TAOK3: variants seen among roughly 807,000 people sequenced by gnomAD.
TAOK3 encodes the protein serine/threonine-protein kinase TAO3.
In TAOK3, 40 loss-of-function variants were observed where a neutral mutation model predicts 120.4. The ratio of observed to expected loss-of-function variants is 0.33; its 90% CI spans 0.26 to 0.43. TAOK3 has a LOEUF of 0.43. Among genes scored for constraint, TAOK3 ranks in the 20% least tolerant of loss-of-function variants. The pLI is 1.00. For synonymous variants in TAOK3, 355 were observed against 387.5 expected (o/e 0.92, Z 0.99); for missense variants, 821 against 1,112.1 (o/e 0.74, Z 3.72).
At chr12:118,182,190 C>T (rs1430873914) in intron 14 of TAOK3, among the ~76,000 whole-genome samples, 2 of 151,234 alleles carry the variant, frequency 1.3e-5, no homozygotes, top group African/African-American at 4.9e-5. Flanking sequence ...CAAAAAAAAA[C>T]AACAACAACA....
Position 118,310,154 on chromosome 12 carries a change from T to C in TAOK3, c.-193-43395A>G, listed in dbSNP as rs1700813905. The stretch of plus-strand genomic sequence containing the variant: ...TAAAAATTAGCTGGGCATAGTGGCG[T>C]GCACCTGTGGTCCCTGCTACTTGGA... On this transcript the variant is annotated intron_variant, in intron 1 of 20. Transcript: ENST00000392533. Among the ~76,000 whole-genome samples the C allele has an allele frequency of 1.3e-5, 2 of 152,102 alleles. 1 individual carries two copies. Among genetic ancestry groups the C allele is most frequent in the Admixed American group, 1.3e-4 (2 of 15,266 alleles).
intron 16 of TAOK3, among the ~76,000 whole-genome samples, chr12:118,176,712 A>C (rs1299815828): frequency 6.6e-6 from 1 of 152,142 alleles, no homozygotes; most frequent in Non-Finnish European, 1.5e-5. Context: ...AAATAAATAA[A>C]ATAAAATCTG....
intron 1 of TAOK3, among the ~76,000 whole-genome samples, chr12:118,362,755 C>A (rs1196292139): frequency 6.6e-6 from 1 of 152,124 alleles, no homozygotes; most frequent in East Asian, 1.9e-4. Context: ...CAGCGGCTCA[C>A]ATCTGTAATC....
chr12:118,211,924 A>G (rs1413238167), intron 11 of TAOK3, among the ~76,000 whole-genome samples: 1 of 152,192 alleles, frequency 6.6e-6, no homozygotes, highest in Non-Finnish European at 1.5e-5. Context: ...TTTCCCCTAA[A>G]GAAACATGGA....
chr12:118,212,849 T>C (rs1490529534), intron 11 of TAOK3, 65 bp downstream of exon 11: 9 of 1,145,146 alleles, frequency 7.9e-6, no homozygotes, highest in Admixed American at 2.1e-5. Context: ...ACAGGAATGA[T>C]TTATTATATT....
intron 1 of TAOK3, among the ~76,000 whole-genome samples, chr12:118,272,305 A>AAAAG (rs201811768): frequency 0.022 from 3,246 of 148,602 alleles, 174 homozygotes; most frequent in East Asian, 0.18. Flanking sequence ...AAAAAAAAAA[A>AAAAG]AAAGAAAGAA....
intron 19 of TAOK3, among the ~76,000 whole-genome samples, chr12:118,153,108 A>G (rs1406520057): frequency 6.6e-6 from 1 of 152,172 alleles, no homozygotes; most frequent in Non-Finnish European, 1.5e-5. Flanking sequence ...CCAAAACTCC[A>G]AATGGTTCAA....
intron 1 of TAOK3, among the ~76,000 whole-genome samples, chr12:118,348,062 G>C (rs1310812140): frequency 6.6e-6 from 1 of 152,056 alleles, no homozygotes; most frequent in Non-Finnish European, 1.5e-5. Context: ...CCTACATTTT[G>C]TTCACTATGT....
intron 3 of TAOK3, among the ~76,000 whole-genome samples, chr12:118,254,493 T>A (rs1309749472): frequency 2.6e-5 from 4 of 152,248 alleles, no homozygotes. Context: ...CGTAATTGTT[T>A]TATTACAACT....
intron 1 of TAOK3, among the ~76,000 whole-genome samples, chr12:118,282,359 G>GA (rs2042127244): frequency 6.6e-6 from 1 of 152,184 alleles, no homozygotes; most frequent in Non-Finnish European, 1.5e-5. Flanking sequence ...AAGTTATAGA[G>GA]AATTACCTTG....
At chr12:118,182,699 T>A (rs570612360) in intron 14 of TAOK3, among the ~76,000 whole-genome samples, 1 of 149,578 alleles carries the variant, frequency 6.7e-6, no homozygotes, top group African/African-American at 2.4e-5. Flanking sequence ...ATTTATTTCC[T>A]ATTCCTAATA....
At chr12:118,166,827 TACACACACAC>T (rs769244693) in intron 17 of TAOK3, among the ~76,000 whole-genome samples, 5 of 146,622 alleles carry the variant, frequency 3.4e-5, no homozygotes, top group African/African-American at 1.3e-4. Flanking sequence ...TATATATATA[TACACACACAC>T]ACACACACAT....
intron 1 of TAOK3, among the ~76,000 whole-genome samples, chr12:118,275,968 G>A (rs1383359531): frequency 6.9e-6 from 1 of 145,206 alleles, no homozygotes; most frequent in Admixed American, 6.7e-5. Context: ...GAAAACGCCA[G>A]AAGGCCAGCG....
intron 1 of TAOK3, among the ~76,000 whole-genome samples, chr12:118,300,135 G>C (rs1471308175): frequency 6.6e-6 from 1 of 152,186 alleles, no homozygotes; most frequent in Non-Finnish European, 1.5e-5. Context: ...CAATTCCTTT[G>C]CTGATACGGA....
intron 1 of TAOK3, among the ~76,000 whole-genome samples, chr12:118,301,947 TC>T (rs1377331716): frequency 2.6e-5 from 4 of 152,154 alleles, no homozygotes; most frequent in Non-Finnish European, 5.9e-5. Context: ...TTTTTTCTCC[TC>T]AGGCTATTCC....
intron 1 of TAOK3, among the ~76,000 whole-genome samples, chr12:118,332,791 A>G (rs1034956611): frequency 1.3e-5 from 2 of 152,220 alleles, no homozygotes; most frequent in African/African-American, 4.8e-5. Flanking sequence ...ACCATTTGAA[A>G]TCATGTGAGA....
At chr12:118,259,288 GT>G (rs1566026529) in intron 2 of TAOK3, among the ~76,000 whole-genome samples, 1 of 152,168 alleles carries the variant, frequency 6.6e-6, no homozygotes, top group Non-Finnish European at 1.5e-5. Flanking sequence ...ACTCATGTCT[GT>G]AATCCTAGCA....
At position 118,227,936 on chromosome 12, in the gene TAOK3, T is replaced by A. The variant is rs182267261; in HGVS notation, c.643+5738A>T. 6.2e-3 allele frequency among the ~76,000 whole-genome samples: 940 copies of A among 152,322 alleles called. 10 individuals are homozygous for A. Among genetic ancestry groups the A allele is most frequent in the African/African-American group, 0.022 (905 of 41,568 alleles). ...ACTTCTAATTTTTGAAAAGTTCAATTATTCAATATTTAAAATGTGTAAAAT... is the reference window on the plus strand; with the variant it reads ...ACTTCTAATTTTTGAAAAGTTCAATAATTCAATATTTAAAATGTGTAAAAT... On this transcript the variant is annotated intron_variant, in intron 9 of 20. Coordinates refer to ENST00000392533, the MANE Select transcript of TAOK3 (RefSeq NM_016281.4).
At chr12:118,301,672 C>T (rs373187711) in intron 1 of TAOK3, among the ~76,000 whole-genome samples, 10 of 151,776 alleles carry the variant, frequency 6.6e-5, no homozygotes, top group South Asian at 2.1e-4. Context: ...GGAGAAACAC[C>T]GTCTCTACTA....
Sources: allele counts gnomAD v4.1 joint callset (sites outside exome capture counted in the v4.1 genomes callset), GRCh38; gene constraint gnomAD v4.1.1; transcripts MANE v1.5; gene names NCBI Gene and HGNC (gene_info 2026-07-23, HGNC 2026-07-21).